The following SYT16 variants were observed in gnomAD, a reference collection of about 807,000 sequenced individuals.
SYT16 encodes the protein synaptotagmin-16.
Under a neutral mutation model 61.4 loss-of-function variants are expected in SYT16, and 42 were observed. The ratio of observed to expected loss-of-function variants is 0.68; its 90% CI spans 0.53 to 0.89. The LOEUF (loss-of-function observed/expected upper bound fraction) is 0.89. Among genes scored for constraint, SYT16 ranks in the 40% least tolerant of loss-of-function variants. The pLI is 0.00. For synonymous variants in SYT16, 314 were observed against 302.3 expected, an observed-to-expected ratio of 1.04 and a Z score of -0.40; for missense variants, 804 against 807.3, an observed-to-expected ratio of 1.00 and a Z score of 0.05.
At position 61,995,976 on chromosome 14, in the gene SYT16, A is replaced by C; in HGVS notation, c.-44A>C. On this transcript the variant is annotated 5_prime_UTR_variant, in exon 3 of 8. Coordinates refer to ENST00000683842, the MANE Select transcript of SYT16 (RefSeq NM_001367656.1). ...AGTTCACATTCAATCCAGAGCACTG[A>C]AGGAACTGAACAACTGGACACTGTA... 6.6e-7 allele frequency: 1 copy of C among 1,521,752 alleles called. No individual in the cohort carries two copies. Among genetic ancestry groups the C allele is most frequent in the Non-Finnish European group, 8.8e-7 (1 of 1,136,276 alleles). 94.3% of individuals were successfully genotyped at this position (1,521,752 alleles called of 1,614,324 possible). A position where few individuals can be genotyped will look rare whatever the true frequency, so the allele number is the denominator to read the frequency against.
At chr14:61,938,199 G>T (rs2050066436) in intron 1 of SYT16, among the ~76,000 whole-genome samples, 1 of 152,128 alleles carries the variant, frequency 6.6e-6, no homozygotes, top group South Asian at 2.1e-4. Flanking sequence ...TACAGGCTCT[G>T]CTTTCACACG....
chr14:61,859,643 A>G (rs1293309658), intron 1 of SYT16, among the ~76,000 whole-genome samples: 1 of 151,858 alleles, frequency 6.6e-6, no homozygotes, highest in Admixed American at 6.6e-5. Flanking sequence ...TCCAATGCCA[A>G]ATGGTGAGCC....
chr14:61,837,454 G>A (rs1393083471), intron 1 of SYT16, among the ~76,000 whole-genome samples: 1 of 151,558 alleles, frequency 6.6e-6, no homozygotes. Flanking sequence ...GGCCAGGCTG[G>A]TCTCGAACTC....
chr14:61,945,855 CAAAAAAAAAAAAAAAAAA>C (rs60917584), intron 1 of SYT16, among the ~76,000 whole-genome samples: 5 of 64,512 alleles, frequency 7.8e-5, no homozygotes, highest in Admixed American at 2.6e-4. Flanking sequence ...GACTCCGTCT[CAAAAAAAAAAAAAAAAAA>C]AAAAAAAAAA....
intron 3 of SYT16, among the ~76,000 whole-genome samples, chr14:62,047,584 C>T (rs917649985): frequency 6.6e-6 from 1 of 152,118 alleles, no homozygotes; most frequent in Admixed American, 6.5e-5. Flanking sequence ...CAGTTTTTGT[C>T]CATTCAGTAT....
intron 1 of SYT16, among the ~76,000 whole-genome samples, chr14:61,828,932 A>G (rs1310116051): frequency 2.0e-5 from 3 of 152,180 alleles, no homozygotes; most frequent in Non-Finnish European, 4.4e-5. Flanking sequence ...AAACACCACC[A>G]CCAACTGGAC....
intron 2 of SYT16, among the ~76,000 whole-genome samples, chr14:61,994,228 G>A (rs1330691117): frequency 1.3e-5 from 2 of 152,136 alleles, no homozygotes; most frequent in African/African-American, 4.8e-5. Flanking sequence ...AGTGATGAAC[G>A]CTTGTAGCAA....
intron 1 of SYT16, chr14:61,832,177 T>C (rs1020348845): frequency 5.9e-6 from 4 of 672,496 alleles, no homozygotes; most frequent in African/African-American, 1.8e-5. Flanking sequence ...GCCTTCTCCT[T>C]CTTCTTCACG....
chr14:61,926,321 C>T (rs1387543980), intron 1 of SYT16, among the ~76,000 whole-genome samples: 1 of 152,152 alleles, frequency 6.6e-6, no homozygotes, highest in Admixed American at 6.5e-5. Flanking sequence ...ATTGCCACCC[C>T]TATGAAGGAC....
At chr14:61,957,510 C>T (rs1195261499) in intron 1 of SYT16, among the ~76,000 whole-genome samples, 4 of 151,804 alleles carry the variant, frequency 2.6e-5, no homozygotes, top group African/African-American at 4.8e-5. Context: ...TTTTCAATTA[C>T]GAGACAATGT....
intron 2 of SYT16, among the ~76,000 whole-genome samples, chr14:61,986,139 C>G (rs1315504375): frequency 6.6e-6 from 1 of 151,874 alleles, no homozygotes; most frequent in Non-Finnish European, 1.5e-5. Context: ...ATTCCACTGT[C>G]TCTCCTAATC....
intron 3 of SYT16, among the ~76,000 whole-genome samples, chr14:62,031,868 C>A (rs1227707036): frequency 6.6e-6 from 1 of 152,220 alleles, no homozygotes; most frequent in East Asian, 1.9e-4. Flanking sequence ...TTAAGTGTTT[C>A]TGCTACTGAA....
In SYT16 at chr14:62,100,715, A is replaced by G. The variant is rs1426983429; in HGVS notation, c.*8A>G. 3 of 1,609,736 alleles carry G rather than the reference A, an allele frequency of 1.9e-6. No homozygotes were observed. The African/African-American group carries it at 4.0e-5, about 21-fold the overall frequency. Reference sequence around the variant, plus strand: ...ACTTTGCTGGAATCCTAGGTTTGCTAACCTGCATTTGTGTGCTGTGTCCAC... The same window carrying G: ...ACTTTGCTGGAATCCTAGGTTTGCTGACCTGCATTTGTGTGCTGTGTCCAC... On this transcript the variant is annotated 3_prime_UTR_variant, in exon 8 of 8. Coordinates refer to ENST00000683842, the MANE Select transcript of SYT16 (RefSeq NM_001367656.1).
chr14:61,994,699 T>C (rs932829781), intron 2 of SYT16, among the ~76,000 whole-genome samples: 3 of 152,156 alleles, frequency 2.0e-5, no homozygotes, highest in Non-Finnish European at 2.9e-5. Context: ...GGGGGAAATG[T>C]GGAGAACTCA....
intron 1 of SYT16, among the ~76,000 whole-genome samples, chr14:61,956,357 A>G (rs892372195): frequency 6.6e-6 from 1 of 151,842 alleles, no homozygotes; most frequent in Non-Finnish European, 1.5e-5. Context: ...TTGGTGTCCT[A>G]TCTAAGAATT....
intron 7 of SYT16, among the ~76,000 whole-genome samples, chr14:62,095,094 A>G (rs1380738163): frequency 6.6e-6 from 1 of 152,054 alleles, no homozygotes; most frequent in Non-Finnish European, 1.5e-5. Context: ...CACCCAGGAA[A>G]GATCTTAGAA....
chr14:61,865,058 C>T (rs61732333), intron 1 of SYT16: 110,778 of 1,389,140 alleles, frequency 0.08, 5,064 homozygotes, highest in Non-Finnish European at 0.089. Flanking sequence ...GAGCTGCAGG[C>T]TCGACTGTGC....
chr14:61,930,708 G>A (rs1158717950), intron 1 of SYT16, among the ~76,000 whole-genome samples: 1 of 151,962 alleles, frequency 6.6e-6, no homozygotes, highest in Non-Finnish European at 1.5e-5. Flanking sequence ...AGCATGCTGG[G>A]TTGTCCAGGT....
chr14:61,999,439 T>G lies in SYT16; in HGVS notation c.523+2897T>G, dbSNP rs1375905893. 2.6e-5 allele frequency among the ~76,000 whole-genome samples: 4 copies of G among 151,798 alleles called. No homozygotes were observed. In the East Asian group the frequency reaches 7.7e-4, roughly 29 times the overall value. Reference sequence around the variant, plus strand: ...ACTACTTTTTAAATGTTGTTAGGATTTATAGTAATTTCTCCCTTTATTTCC... The same window carrying G: ...ACTACTTTTTAAATGTTGTTAGGATGTATAGTAATTTCTCCCTTTATTTCC... On this transcript the variant is annotated intron_variant, in intron 3 of 7. Coordinates refer to ENST00000683842, the MANE Select transcript of SYT16 (RefSeq NM_001367656.1).
Sources: allele counts gnomAD v4.1 joint callset (sites outside exome capture counted in the v4.1 genomes callset), GRCh38; gene constraint gnomAD v4.1.1; transcripts MANE v1.5; gene names NCBI Gene and HGNC (gene_info 2026-07-23, HGNC 2026-07-21).